FAM222B: variants seen among roughly 807,000 people sequenced by gnomAD.
The protein encoded by FAM222B is protein FAM222B.
FAM222B carries 12 observed loss-of-function variants against 38.0 expected under a neutral mutation model. The ratio of observed to expected loss-of-function variants is 0.32; its 90% CI spans 0.20 to 0.51. The LOEUF (loss-of-function observed/expected upper bound fraction) is 0.51, where lower values mean the gene tolerates loss of function less well. Ranked by LOEUF, FAM222B falls within the 20% of genes least tolerant of loss-of-function variation. The pLI is 0.97. For synonymous variants in FAM222B, 329 were observed against 317.2 expected (o/e 1.04, Z -0.40); for missense variants, 716 against 754.2 (o/e 0.95, Z 0.59).
chr17:28,789,891 T>C (rs1465631682), intron 1 of FAM222B, among the ~76,000 whole-genome samples: 3 of 152,142 alleles, frequency 2.0e-5, no homozygotes, highest in Non-Finnish European at 2.9e-5. Flanking sequence ...GTTTACACAG[T>C]AGAAATTAGA....
chr17:28,759,644 G>A lies in FAM222B; in HGVS notation c.315C>T (p.Val105=). 3 of 1,613,172 alleles carry A rather than the reference G, an allele frequency of 1.9e-6. No individual in the cohort carries two copies. Among genetic ancestry groups the A allele is most frequent in the Non-Finnish European group, 2.5e-6 (3 of 1,179,556 alleles). ...TGAGTATGCTTTTGGCTGGCACTTT[G>A]ACAATGGCAAGCAGGCCTGCCTTGG... ...AATKAGLLAI[V]KVPAKSILKD... The change falls in exon 3 of 3, where the codon GTC becomes GTT. Residue 105 remains valine (V), a synonymous_variant. Coordinates refer to ENST00000581407, the MANE Select transcript of FAM222B (RefSeq NM_001077498.3). This position sits in a 1 kb window ranked among gnomAD's most constrained non-coding sequence, Gnocchi z 4.8.
chr17:28,802,117 C>CT (rs779464874), intron 1 of FAM222B, among the ~76,000 whole-genome samples: 4 of 150,458 alleles, frequency 2.7e-5, no homozygotes, highest in Non-Finnish European at 5.9e-5. Flanking sequence ...GAGAAAGAGT[C>CT]TTACTCTGTG....
chr17:28,759,725 C>T lies in FAM222B; in HGVS notation c.234G>A (p.Val78=), dbSNP rs1163552339. The part of the protein sequence containing the change: ...VPQRKHVRRT[V]NGLDTSAQRY... ...GCTGGGCTGATGTGTCGAGGCCGTT[C>T]ACAGTACGACGAACGTGTTTCCGCT... Residue 78 remains valine, a synonymous_variant, in exon 3 of 3, where the codon GTG becomes GTA. Coordinates refer to ENST00000581407, the MANE Select transcript of FAM222B (RefSeq NM_001077498.3). This position sits in a 1 kb window ranked among gnomAD's most constrained non-coding sequence, Gnocchi z 4.8. 2.5e-6 allele frequency: 4 copies of T among 1,613,774 alleles called. No homozygotes were observed. The highest frequency in any genetic ancestry group is 3.4e-6 in the Non-Finnish European group (4 of 1,179,826).
At chr17:28,847,543 G>A (rs1345884531), upstream of FAM222B, among the ~76,000 whole-genome samples, 6 of 152,040 alleles carry the variant, frequency 3.9e-5, no homozygotes, top group African/African-American at 1.4e-4. Flanking sequence ...GCAGTGAGCC[G>A]AGATCGTGCC....
rs544931487 is a variant in FAM222B, at chr17:28,756,775, A to G, written c.*1495T>C. On this transcript the variant is annotated 3_prime_UTR_variant, in exon 3 of 3. Coordinates refer to ENST00000581407, the MANE Select transcript of FAM222B (RefSeq NM_001077498.3). ...TAAATATAAGGCAACTTGCCAACAC[A>G]TAACTTAAAACTGGTCTTCAGTCAC... 2 of 152,404 alleles carry G rather than the reference A, an allele frequency of 1.3e-5. No homozygotes were observed. The highest frequency in any genetic ancestry group is 1.9e-4 in the East Asian group (1 of 5,196). 9.4% of individuals were successfully genotyped at this position (152,404 alleles called of 1,614,324 possible).
At chr17:28,798,086 G>A (rs931370798) in intron 1 of FAM222B, among the ~76,000 whole-genome samples, 2 of 151,770 alleles carry the variant, frequency 1.3e-5, no homozygotes, top group South Asian at 2.1e-4. Flanking sequence ...TAAACGCTAC[G>A]AAAAAAATAT....
rs1260215632 is a variant in FAM222B at position 28,757,335 on chromosome 17, G to A, written c.*935C>T. On this transcript the variant is annotated 3_prime_UTR_variant, in exon 3 of 3. Transcript: ENST00000581407. ...AAACGTAACGTTTAAAACTTACAGTGTAGAGCAATATTCTTAGCCAGTGTA... is the reference window on the plus strand; with the variant it reads ...AAACGTAACGTTTAAAACTTACAGTATAGAGCAATATTCTTAGCCAGTGTA... 3 of 152,310 alleles carry A rather than the reference G, an allele frequency of 2.0e-5. No homozygotes were observed. Among genetic ancestry groups the A allele is most frequent in the Non-Finnish European group, 2.9e-5 (2 of 68,012 alleles). 9.4% of individuals were successfully genotyped at this position (152,310 alleles called of 1,614,324 possible).
intron 1 of FAM222B, among the ~76,000 whole-genome samples, chr17:28,836,075 C>T (rs535573164): frequency 6.6e-6 from 1 of 151,928 alleles, no homozygotes; most frequent in East Asian, 1.9e-4. Flanking sequence ...CTGAGACCTC[C>T]GCCTCCCGTG....
At position 28,784,045 on chromosome 17, in the gene FAM222B, C is replaced by A. The variant is rs532506796; in HGVS notation, c.-40-17338G>T. ...GAACTCTTAACCTCAGGTGATCCAC[C>A]CGCCTCGGCCTCCCAAAGTGCTAGG... On this transcript the variant is annotated intron_variant, in intron 1 of 2. Coordinates refer to ENST00000581407, the MANE Select transcript of FAM222B (RefSeq NM_001077498.3). 2.6e-5 allele frequency among the ~76,000 whole-genome samples: 4 copies of A among 152,222 alleles called. No homozygotes were observed. In the East Asian group the frequency reaches 7.7e-4, roughly 29 times the overall value.
intron 2 of FAM222B, among the ~76,000 whole-genome samples, chr17:28,761,398 G>A (rs2035064717): frequency 6.6e-6 from 1 of 152,208 alleles, no homozygotes; most frequent in East Asian, 1.9e-4. Context: ...GGCTTGGCAG[G>A]AAGCCCAGGC....
At chr17:28,826,967 CT>C (rs2038463365) in intron 1 of FAM222B, among the ~76,000 whole-genome samples, 1 of 151,998 alleles carries the variant, frequency 6.6e-6, no homozygotes. Flanking sequence ...ATAGCAAGAC[CT>C]TGTCTTTGCC....
intron 1 of FAM222B, among the ~76,000 whole-genome samples, chr17:28,841,960 G>A (rs1257398947): frequency 6.6e-6 from 1 of 152,122 alleles, no homozygotes; most frequent in Non-Finnish European, 1.5e-5. Context: ...TCTTAACAGA[G>A]AAATCAGTCA....
Position 28,759,296 on chromosome 17 carries a change from GTGC to G in FAM222B, c.660_662del (p.Gln220del). ...CTCCATGCAGCAAGGGATTGTGGGG[GTGC>G]TGGAGACCCTGGTGAGCCAGGGCCT... On this transcript the variant is annotated inframe_deletion, in exon 3 of 3. Coordinates refer to ENST00000581407, the MANE Select transcript of FAM222B (RefSeq NM_001077498.3). This position sits in a 1 kb window ranked among gnomAD's most constrained non-coding sequence, Gnocchi z 4.8. 6.2e-7 allele frequency: 1 copy of G among 1,612,632 alleles called. No individual in the cohort carries two copies. The highest frequency in any genetic ancestry group is 8.5e-7 in the Non-Finnish European group (1 of 1,179,440).
intron 1 of FAM222B, among the ~76,000 whole-genome samples, chr17:28,793,823 G>A (rs1002926808): frequency 6.8e-6 from 1 of 146,820 alleles, no homozygotes; most frequent in African/African-American, 2.5e-5. Context: ...CGGGCTCACT[G>A]CAACCTCCAC....
intron 1 of FAM222B, among the ~76,000 whole-genome samples, chr17:28,831,374 G>C (rs1451416201): frequency 6.6e-6 from 1 of 151,526 alleles, no homozygotes; most frequent in Non-Finnish European, 1.5e-5. Flanking sequence ...CTTGATTACT[G>C]TAGCTCTTTA....
chr17:28,818,946 T>C (rs1334708320), intron 1 of FAM222B, among the ~76,000 whole-genome samples: 1 of 152,230 alleles, frequency 6.6e-6, no homozygotes, highest in Non-Finnish European at 1.5e-5. Context: ...GCTTCTCCTG[T>C]AGATAAAATG....
chr17:28,768,132 G>A (rs919109184), intron 1 of FAM222B, among the ~76,000 whole-genome samples: 1 of 152,274 alleles, frequency 6.6e-6, no homozygotes, highest in Admixed American at 6.5e-5. Context: ...ACAGAAATAC[G>A]ATTTTCCTAA....
At chr17:28,849,281 G>C (rs2039166123) in intron 1 of FAM222B, 1 of 151,972 alleles carries the variant, frequency 6.6e-6, no homozygotes, top group Non-Finnish European at 1.5e-5. Flanking sequence ...AAAAAGTGGG[G>C]GATGACCCAA....
intron 1 of FAM222B, among the ~76,000 whole-genome samples, chr17:28,814,684 C>T (rs553797345): frequency 1.3e-5 from 2 of 152,114 alleles, no homozygotes; most frequent in African/African-American, 4.8e-5. Context: ...CCAGGCTAGT[C>T]TCGAACTCCT....
Sources: gnomAD v4.1 joint callset for allele counts (sites outside exome capture counted in the v4.1 genomes callset) on GRCh38, gnomAD v4.1.1 for gene constraint, Gnocchi (gnomAD v3.1) non-coding constraint, MANE v1.5 for transcripts, NCBI Gene and HGNC (gene_info 2026-07-23, HGNC 2026-07-21) for gene names.